The following CDH7 variants were observed in gnomAD, a reference collection of about 807,000 sequenced individuals.
The protein encoded by CDH7 is cadherin-7.
In CDH7, 25 loss-of-function variants were observed where a neutral mutation model predicts 71.8. The ratio of observed to expected loss-of-function variants is 0.35; its 90% CI spans 0.25 to 0.49. The LOEUF is 0.49. CDH7 is among the 20% of genes least tolerant of loss of function. The probability of loss-of-function intolerance (pLI) is 0.99; values close to 1 mark genes in which losing one functional copy is unlikely to be tolerated. For synonymous variants in CDH7, 381 were observed against 363.8 expected, an observed-to-expected ratio of 1.05 and a Z score of -0.54; for missense variants, 862 against 974.6, an observed-to-expected ratio of 0.88 and a Z score of 1.54.
chr18:65,764,571 A>G (rs1181065545), intron 2 of CDH7, among the ~76,000 whole-genome samples: 1 of 152,058 alleles, frequency 6.6e-6, no homozygotes, highest in Non-Finnish European at 1.5e-5. Flanking sequence ...TGATTAGGAA[A>G]CTAGCTCTTA....
At chr18:65,807,894 C>G (rs1252298618) in intron 2 of CDH7, among the ~76,000 whole-genome samples, 1 of 152,168 alleles carries the variant, frequency 6.6e-6, no homozygotes, top group Non-Finnish European at 1.5e-5. Flanking sequence ...CTTCTTTCCT[C>G]AAGTTCCCCT....
intron 3 of CDH7, among the ~76,000 whole-genome samples, chr18:65,813,525 GA>G (rs576640037): frequency 1.0e-3 from 156 of 152,066 alleles, no homozygotes; most frequent in African/African-American, 3.1e-3. Flanking sequence ...TATTTACATA[GA>G]AATCAATCTA....
At chr18:65,782,111 T>TTCC (rs1568182531) in intron 2 of CDH7, among the ~76,000 whole-genome samples, 41 of 23,854 alleles carry the variant, frequency 1.7e-3, no homozygotes, top group East Asian at 4.7e-3. Context: ...TCCTTCCTTC[T>TTCC]TTCTTTCTTT....
chr18:65,770,353 G>A (rs1916506308), intron 2 of CDH7, among the ~76,000 whole-genome samples: 1 of 152,074 alleles, frequency 6.6e-6, no homozygotes, highest in Non-Finnish European at 1.5e-5. Context: ...TTGTGAGGTT[G>A]GGCCCCAAAT....
At chr18:65,759,446 G>A (rs1226579146) in intron 1 of CDH7, among the ~76,000 whole-genome samples, 3 of 150,730 alleles carry the variant, frequency 2.0e-5, no homozygotes, top group Non-Finnish European at 4.4e-5. Context: ...TAGAGACAGG[G>A]TTTCACCATG....
At chr18:65,751,292 A>C (rs1020055006) in intron 1 of CDH7, 142 bp downstream of exon 1, 2 of 152,576 alleles carry the variant, frequency 1.3e-5, no homozygotes, top group East Asian at 1.9e-4. Flanking sequence ...GGCGTCCCCA[A>C]GTTACTGCGT....
intron 2 of CDH7, among the ~76,000 whole-genome samples, chr18:65,774,002 T>TGA (rs1916623067): frequency 6.6e-6 from 1 of 152,174 alleles, no homozygotes; most frequent in African/African-American, 2.4e-5. Context: ...TGACATGACT[T>TGA]CTCAAACTGT....
At chr18:65,879,943 T>C (rs994960949) in intron 11 of CDH7, among the ~76,000 whole-genome samples, 1 of 152,208 alleles carries the variant, frequency 6.6e-6, no homozygotes, top group African/African-American at 2.4e-5. Flanking sequence ...AGGCATTTCT[T>C]CAAAGAACCT....
chr18:65,789,304 T>G (rs2060205736), intron 2 of CDH7, among the ~76,000 whole-genome samples: 1 of 152,156 alleles, frequency 6.6e-6, no homozygotes, highest in South Asian at 2.1e-4. Flanking sequence ...AAAGATAGTG[T>G]TGTTCAAAAG....
At chr18:65,855,441 C>T (rs1266954216) in intron 7 of CDH7, among the ~76,000 whole-genome samples, 1 of 150,582 alleles carries the variant, frequency 6.6e-6, no homozygotes, top group Non-Finnish European at 1.5e-5. Context: ...AATAAGAAAA[C>T]ACTATAAACA....
chr18:65,829,054 C>T (rs958980450), intron 6 of CDH7, among the ~76,000 whole-genome samples: 2 of 152,050 alleles, frequency 1.3e-5, no homozygotes, highest in Admixed American at 6.6e-5. Context: ...CCATTAGATT[C>T]TAAAAGTGAA....
At chr18:65,856,131 C>T (rs1027092067) in intron 7 of CDH7, among the ~76,000 whole-genome samples, 17 of 152,084 alleles carry the variant, frequency 1.1e-4, no homozygotes, top group African/African-American at 9.7e-5. Flanking sequence ...TAAGACACTT[C>T]GAAACTGGAT....
At chr18:65,844,335 A>G (rs556350584) in intron 7 of CDH7, among the ~76,000 whole-genome samples, 1 of 151,888 alleles carries the variant, frequency 6.6e-6, no homozygotes, top group East Asian at 1.9e-4. Flanking sequence ...GTTTCTATTC[A>G]ACCAATTATC....
intron 2 of CDH7, among the ~76,000 whole-genome samples, chr18:65,768,769 G>A (rs1036627272): frequency 2.6e-5 from 4 of 152,034 alleles, no homozygotes; most frequent in Non-Finnish European, 4.4e-5. Flanking sequence ...ACTATATTGG[G>A]AGAAATTGGG....
intron 2 of CDH7, among the ~76,000 whole-genome samples, chr18:65,809,408 T>G (rs1331260509): frequency 6.6e-6 from 1 of 152,214 alleles, no homozygotes. Flanking sequence ...TGGCTAAAAC[T>G]GGCAAGGACA....
chr18:65,828,146 A>G (rs1912199520), intron 6 of CDH7, among the ~76,000 whole-genome samples: 2 of 151,942 alleles, frequency 1.3e-5, no homozygotes, highest in South Asian at 4.2e-4. Flanking sequence ...AAAATTTTAC[A>G]AATTTTTATT....
chr18:65,815,762 A>T (rs1911701521), intron 4 of CDH7, among the ~76,000 whole-genome samples: 1 of 152,304 alleles, frequency 6.6e-6, no homozygotes, highest in South Asian at 2.1e-4. Context: ...AAAGTATTTG[A>T]TTTATGATAT....
At chr18:65,808,896 G>C (rs1363209956) in intron 2 of CDH7, among the ~76,000 whole-genome samples, 1 of 152,184 alleles carries the variant, frequency 6.6e-6, no homozygotes, top group African/African-American at 2.4e-5. Context: ...AGGGAAATGT[G>C]TAATTACGTG....
intron 2 of CDH7, among the ~76,000 whole-genome samples, chr18:65,775,092 T>A (rs1200422273): frequency 6.6e-6 from 1 of 152,210 alleles, no homozygotes; most frequent in East Asian, 1.9e-4. Context: ...CTTTTTGTTT[T>A]GTTTTCTCAT....
Sources: gnomAD v4.1 joint callset for allele counts (sites outside exome capture counted in the v4.1 genomes callset) on GRCh38, gnomAD v4.1.1 for gene constraint, MANE v1.5 for transcripts, NCBI Gene and HGNC (gene_info 2026-07-23, HGNC 2026-07-21) for gene names.